Variants in SDK1 observed in about 807,000 individuals in gnomAD.
SDK1 encodes protein sidekick-1.
In SDK1, 157 loss-of-function variants were observed where a neutral mutation model predicts 245.5. The observed-to-expected ratio is 0.64, with a 90% confidence interval of 0.56 to 0.73. The LOEUF (loss-of-function observed/expected upper bound fraction) is 0.73, where lower values mean the gene tolerates loss of function less well. SDK1 is among the 30% of genes least tolerant of loss of function. The probability of loss-of-function intolerance (pLI) is 0.00; values close to 1 mark genes in which losing one functional copy is unlikely to be tolerated. For missense variants in SDK1, 3,583 were observed against 3,002.3 expected, an observed-to-expected ratio of 1.19 and a Z score of -4.52; for synonymous variants, 1,647 against 1,278.5, an observed-to-expected ratio of 1.29 and a Z score of -6.15.
chr7:3,760,504 G>A (rs1780067123), intron 4 of SDK1, among the ~76,000 whole-genome samples: 1 of 152,094 alleles, frequency 6.6e-6, no homozygotes, highest in South Asian at 2.1e-4. Context: ...TGAAGTGTTC[G>A]GTCACGTTTT....
intron 5 of SDK1, among the ~76,000 whole-genome samples, chr7:3,898,729 C>A (rs1158094174): frequency 6.6e-6 from 1 of 151,990 alleles, no homozygotes; most frequent in African/African-American, 2.4e-5. Flanking sequence ...TATGTCACGC[C>A]CCTTGTGTCA....
intron 19 of SDK1, among the ~76,000 whole-genome samples, chr7:4,053,359 C>T (rs1438073271): frequency 7.3e-6 from 1 of 137,236 alleles, no homozygotes; most frequent in African/African-American, 3.4e-5. Context: ...ACGCTTGCCT[C>T]TCTCCCCTTT....
At chr7:3,797,462 C>A (rs1778990137) in intron 4 of SDK1, among the ~76,000 whole-genome samples, 1 of 73,808 alleles carries the variant, frequency 1.4e-5, no homozygotes, top group South Asian at 5.2e-4. Flanking sequence ...TGTGTATACA[C>A]ACACACACAC....
At chr7:3,935,835 T>C (rs1780140642) in intron 5 of SDK1, among the ~76,000 whole-genome samples, 1 of 152,208 alleles carries the variant, frequency 6.6e-6, no homozygotes, top group Non-Finnish European at 1.5e-5. Context: ...AGCATGGTAG[T>C]TCCTCCAAAA....
At chr7:4,001,897 G>A (rs563798540) in intron 14 of SDK1, among the ~76,000 whole-genome samples, 1 of 152,184 alleles carries the variant, frequency 6.6e-6, no homozygotes, top group African/African-American at 2.4e-5. Flanking sequence ...TTGCCACCAC[G>A]AACAGGTCTC....
intron 20 of SDK1, among the ~76,000 whole-genome samples, chr7:4,074,663 C>T (rs1780507061): frequency 1.3e-5 from 2 of 151,654 alleles, no homozygotes; most frequent in Admixed American, 1.3e-4. Context: ...GAGTTTGAGA[C>T]CAGCCTGGGC....
intron 28 of SDK1, among the ~76,000 whole-genome samples, chr7:4,136,551 C>T (rs1163326548): frequency 1.3e-5 from 2 of 152,248 alleles, no homozygotes; most frequent in Non-Finnish European, 2.9e-5. Context: ...TGCTTATTTG[C>T]GTAAATATTT....
At chr7:3,579,302 T>C (rs1222140391) in intron 1 of SDK1, among the ~76,000 whole-genome samples, 1 of 152,116 alleles carries the variant, frequency 6.6e-6, no homozygotes, top group East Asian at 1.9e-4. Flanking sequence ...GCAAACCAAG[T>C]CCAGCAGCAC....
chr7:3,583,932 C>T (rs537271529), intron 1 of SDK1, among the ~76,000 whole-genome samples: 9 of 152,212 alleles, frequency 5.9e-5, no homozygotes, highest in Non-Finnish European at 1.0e-4. Flanking sequence ...GTGAAGGTCC[C>T]GTATCAGCAG....
intron 20 of SDK1, among the ~76,000 whole-genome samples, chr7:4,074,762 C>T (rs577745604): frequency 6.6e-6 from 1 of 150,624 alleles, no homozygotes; most frequent in East Asian, 2.0e-4. Context: ...ACTTGAGAGA[C>T]TGAGGTGGGA....
At chr7:3,951,161 G>A in intron 6 of SDK1, 127 bp downstream of exon 6, 2 of 705,966 alleles carry the variant, frequency 2.8e-6, no homozygotes, top group Non-Finnish European at 5.0e-6. Flanking sequence ...TTGGCCGGGT[G>A]GGCCATGAAT....
intron 1 of SDK1, among the ~76,000 whole-genome samples, chr7:3,528,328 TCGTC>T (rs1783220210): frequency 7.9e-6 from 1 of 126,038 alleles, no homozygotes; most frequent in Non-Finnish European, 1.7e-5. Flanking sequence ...GGTTGGATGA[TCGTC>T]AGCTGGGGGT....
intron 12 of SDK1, among the ~76,000 whole-genome samples, chr7:3,972,036 T>C (rs1423642621): frequency 2.0e-5 from 3 of 150,778 alleles, no homozygotes; most frequent in Non-Finnish European, 4.4e-5. Context: ...AGTGCACTAA[T>C]AGGAAGGTGC....
At chr7:3,530,049 T>C (rs988822533) in intron 1 of SDK1, among the ~76,000 whole-genome samples, 2 of 152,130 alleles carry the variant, frequency 1.3e-5, no homozygotes, top group African/African-American at 2.4e-5. Flanking sequence ...ATGTAGTAAC[T>C]AGATCAAAGA....
chr7:3,572,014 C>T (rs930714854), intron 1 of SDK1, among the ~76,000 whole-genome samples: 10 of 151,974 alleles, frequency 6.6e-5, no homozygotes, highest in African/African-American at 1.7e-4. Context: ...TGAACATGTA[C>T]GTACACAAGA....
chr7:3,684,516 A>G lies in SDK1; in HGVS notation c.713+42411A>G, dbSNP rs192394871. Among the ~76,000 whole-genome samples, 414 of 152,344 alleles carry G rather than the reference A, an allele frequency of 2.7e-3. 1 individual carries two copies. The highest frequency in any genetic ancestry group is 4.6e-3 in the Non-Finnish European group (314 of 68,036). ...TTTATGCTCCACATCCACAATGGGT[A>G]AGCCCACTAAAAAGAGATGCATAGG... On this transcript the variant is annotated intron_variant, in intron 4 of 44. Transcript: ENST00000404826.
At chr7:3,762,672 A>C (rs577458412) in intron 4 of SDK1, among the ~76,000 whole-genome samples, 16 of 152,316 alleles carry the variant, frequency 1.1e-4, no homozygotes, top group South Asian at 4.1e-4. Flanking sequence ...TGGCATGCAA[A>C]TATTTAACAG....
chr7:3,846,212 AC>A (rs1352431807), intron 5 of SDK1, among the ~76,000 whole-genome samples: 5 of 152,228 alleles, frequency 3.3e-5, no homozygotes, highest in African/African-American at 1.2e-4. Context: ...GTACACACAC[AC>A]ACAGGCAAGG....
intron 4 of SDK1, among the ~76,000 whole-genome samples, chr7:3,695,273 G>A (rs989244680): frequency 4.6e-5 from 7 of 152,162 alleles, no homozygotes; most frequent in Admixed American, 1.3e-4. Flanking sequence ...GATAGGAAAT[G>A]GATTCTGTCA....
Sources: gnomAD v4.1 joint callset for allele counts (sites outside exome capture counted in the v4.1 genomes callset) on GRCh38, gnomAD v4.1.1 for gene constraint, MANE v1.5 for transcripts, NCBI Gene and HGNC (gene_info 2026-07-23, HGNC 2026-07-21) for gene names.